RIC1: variants seen among roughly 807,000 people sequenced by gnomAD.
RIC1 encodes the protein RIC1 partner of RAB6A GEF complex.
RIC1 carries 88 observed loss-of-function variants against 169.0 expected under a neutral mutation model. That is an observed-to-expected ratio of 0.52 (90% CI 0.44 to 0.62). The LOEUF is 0.62. Among genes scored for constraint, RIC1 ranks in the 20% least tolerant of loss-of-function variants. The pLI is 0.00. For missense variants in RIC1, 1,877 were observed against 1,725.5 expected, an observed-to-expected ratio of 1.09 and a Z score of -1.56; for synonymous variants, 790 against 601.5, an observed-to-expected ratio of 1.31 and a Z score of -4.59.
chr9:5,664,282 G>A (rs1455635379), intron 2 of RIC1, among the ~76,000 whole-genome samples: 1 of 151,910 alleles, frequency 6.6e-6, no homozygotes, highest in Non-Finnish European at 1.5e-5. Context: ...GTGTCGTGGC[G>A]CATACCTGTA....
intron 3 of RIC1, among the ~76,000 whole-genome samples, chr9:5,702,782 G>T (rs1049517798): frequency 2.0e-5 from 3 of 152,084 alleles, no homozygotes; most frequent in African/African-American, 7.2e-5. Flanking sequence ...CCTGAGCTCA[G>T]GCATTCTGCC....
chr9:5,753,268 T>G, intron 13 of RIC1, 30 bp downstream of exon 13: 4 of 1,606,104 alleles, frequency 2.5e-6, no homozygotes, highest in Non-Finnish European at 3.4e-6. Context: ...GTGTTAACTT[T>G]TGTTGACTAG....
At chr9:5,630,845 C>T (rs1221948454) in intron 1 of RIC1, among the ~76,000 whole-genome samples, 1 of 151,980 alleles carries the variant, frequency 6.6e-6, no homozygotes, top group East Asian at 1.9e-4. Context: ...ATGTATATGC[C>T]AGTTGAATAA....
At chr9:5,681,647 T>C (rs1171145586) in intron 2 of RIC1, among the ~76,000 whole-genome samples, 2 of 152,224 alleles carry the variant, frequency 1.3e-5, no homozygotes, top group Non-Finnish European at 2.9e-5. Context: ...GTTCTGTAGA[T>C]GTCTATTAGG....
Position 5,647,986 on chromosome 9 carries a change from G to GTGGTGA in RIC1, c.145-8592_145-8591insATGGTG, listed in dbSNP as rs1563867111. On this transcript the variant is annotated intron_variant, in intron 1 of 25. Coordinates refer to ENST00000414202, the MANE Select transcript of RIC1 (RefSeq NM_020829.4). ...GGTGGTGGTGGTGATGGTGGTGGTG[G>GTGGTGA]TGGTGGTAGTGGTAGTGGTTTTTTC... Among the ~76,000 whole-genome samples the GTGGTGA allele has an allele frequency of 2.3e-3, 271 of 116,472 alleles. 1 individual carries two copies. The highest frequency in any genetic ancestry group is 1.0e-2 in the African/African-American group (258 of 25,832). 76.4% of individuals were successfully genotyped at this position (116,472 alleles called of 152,430 possible). A position where few individuals can be genotyped will look rare whatever the true frequency, so the allele number is the denominator to read the frequency against.
chr9:5,629,474 C>A (rs942014474), intron 1 of RIC1, 21 bp downstream of exon 1: 1 of 1,524,156 alleles, frequency 6.6e-7, no homozygotes, highest in Non-Finnish European at 8.8e-7. Flanking sequence ...CCGCCCGCCG[C>A]CTTTCGCCGC....
At chr9:5,745,736 G>A (rs983210104) in intron 10 of RIC1, among the ~76,000 whole-genome samples, 195 bp from the exon 11 acceptor site, 1 of 152,182 alleles carries the variant, frequency 6.6e-6, no homozygotes, top group Non-Finnish European at 1.5e-5. Flanking sequence ...AGCAGTGATG[G>A]TGATTTCCTC....
chr9:5,727,056 A>G (rs1266906389), intron 6 of RIC1, among the ~76,000 whole-genome samples: 1 of 152,090 alleles, frequency 6.6e-6, no homozygotes, highest in Admixed American at 6.6e-5. Flanking sequence ...CTCGAGGAGT[A>G]TCTTTGTGGC....
rs557795089 is a variant in RIC1 at position 5,657,147 on chromosome 9, C to T, written c.252+457C>T. The stretch of plus-strand genomic sequence containing the variant: ...TTTTAAAACATATTCACATGATATT[C>T]TTGAATTTATATTTAAATTCCTCCC... On this transcript the variant is annotated intron_variant, in intron 2 of 25. Transcript: ENST00000414202. Among the ~76,000 whole-genome samples the T allele has an allele frequency of 3.9e-5, 6 of 152,162 alleles. No individual in the cohort carries two copies. In the East Asian group the frequency reaches 9.6e-4, roughly 24 times the overall value.
chr9:5,669,822 G>A (rs1819985420), intron 2 of RIC1, among the ~76,000 whole-genome samples: 1 of 152,112 alleles, frequency 6.6e-6, no homozygotes, highest in South Asian at 2.1e-4. Flanking sequence ...AAACATCAGG[G>A]GTAATGGGGA....
chr9:5,656,492 C>T (rs1819105376), intron 1 of RIC1, 91 bp from the exon 2 acceptor site: 3 of 562,850 alleles, frequency 5.3e-6, no homozygotes, highest in Non-Finnish European at 6.0e-6. Flanking sequence ...TGTAAAAATA[C>T]TTTGAATACT....
At chr9:5,686,629 G>A (rs1170706240) in intron 2 of RIC1, among the ~76,000 whole-genome samples, 1 of 132,084 alleles carries the variant, frequency 7.6e-6, no homozygotes, top group Non-Finnish European at 1.6e-5. Flanking sequence ...GACTGTGGTG[G>A]GGTGGGGGGA....
chr9:5,682,015 A>G (rs969595133), intron 2 of RIC1, among the ~76,000 whole-genome samples: 2 of 152,032 alleles, frequency 1.3e-5, no homozygotes, highest in Non-Finnish European at 2.9e-5. Flanking sequence ...TGTTTGGTAG[A>G]TCTTCCTCCA....
intron 1 of RIC1, among the ~76,000 whole-genome samples, chr9:5,636,996 T>G (rs1270571151): frequency 6.6e-6 from 1 of 152,176 alleles, no homozygotes; most frequent in African/African-American, 2.4e-5. Context: ...CAGCAATTTT[T>G]TTTTAAGTTT....
intron 1 of RIC1, among the ~76,000 whole-genome samples, chr9:5,651,642 C>T (rs1433448767): frequency 7.0e-6 from 1 of 143,076 alleles, no homozygotes; most frequent in Non-Finnish European, 1.5e-5. Context: ...CAGCTCACTT[C>T]AACCTCCACC....
intron 2 of RIC1, among the ~76,000 whole-genome samples, chr9:5,659,989 C>G (rs1819351051): frequency 6.6e-6 from 1 of 152,238 alleles, no homozygotes; most frequent in Middle Eastern, 3.4e-3. Flanking sequence ...CAGATGCTCT[C>G]CCTCATCCTG....
chr9:5,644,233 A>C (rs1272976320), intron 1 of RIC1, among the ~76,000 whole-genome samples: 1 of 152,204 alleles, frequency 6.6e-6, no homozygotes, highest in Non-Finnish European at 1.5e-5. Context: ...CTCTTCTCCC[A>C]TTCCAGCCTT....
rs760780551 is a variant in RIC1 at position 5,754,829 on chromosome 9, T to G, written c.1603-12T>G. 21 of 1,527,378 alleles carry G rather than the reference T, an allele frequency of 1.4e-5. No homozygotes were observed. In the Admixed American group the frequency reaches 2.7e-4, roughly 19 times the overall value. The allele number at this position is 1,527,378 out of a possible 1,614,324, so 94.6% of individuals were successfully genotyped here. A position where few individuals can be genotyped will look rare whatever the true frequency, so the allele number is the denominator to read the frequency against. On this transcript the variant is annotated splice_polypyrimidine_tract_variant and intron_variant, in intron 14 of 25. Coordinates refer to ENST00000414202, the MANE Select transcript of RIC1 (RefSeq NM_020829.4). ...GCATAAGGTAAATTTTTTAAAAAAT[T>G]TTTATTTTAAGGAGCAAAATATGAT...
intron 12 of RIC1, among the ~76,000 whole-genome samples, chr9:5,751,300 TTACC>T (rs1449400725): frequency 6.6e-6 from 1 of 151,850 alleles, no homozygotes; most frequent in African/African-American, 2.4e-5. Context: ...CACCCAATCA[TTACC>T]TTAAGTGTAC....
Sources: gnomAD v4.1 joint callset for allele counts (sites outside exome capture counted in the v4.1 genomes callset) on GRCh38, gnomAD v4.1.1 for gene constraint, MANE v1.5 for transcripts, NCBI Gene and HGNC (gene_info 2026-07-23, HGNC 2026-07-21) for gene names.